POU3F3: variants seen among roughly 807,000 people sequenced by gnomAD.
The protein encoded by POU3F3 is POU class 3 homeobox 3.
In POU3F3, 1 loss-of-function variant was observed where a neutral mutation model predicts 8.6. That is an observed-to-expected ratio of 0.12 (90% CI 0.04 to 0.55). The LOEUF (loss-of-function observed/expected upper bound fraction) is 0.55. POU3F3 is among the 20% of genes least tolerant of loss of function. POU3F3 has a pLI of 0.91. For missense variants in POU3F3, 577 were observed against 690.7 expected, an observed-to-expected ratio of 0.84 and a Z score of 1.84; for synonymous variants, 418 against 327.4, an observed-to-expected ratio of 1.28 and a Z score of -2.99.
chr2:104,920,815 A>C, the POU3F3 span, among the ~76,000 whole-genome samples: 1 of 152,150 alleles, frequency 6.6e-6, no homozygotes. Context: ...TAACTGTCCA[A>C]CAGTAGGTGA....
chr2:104,859,214 C>A (rs949222081), downstream of POU3F3, among the ~76,000 whole-genome samples: 4 of 152,148 alleles, frequency 2.6e-5, no homozygotes, highest in Non-Finnish European at 4.4e-5. Flanking sequence ...TGTGCAATTA[C>A]CAACTCAGAC....
At chr2:104,898,141 C>G in the POU3F3 span, among the ~76,000 whole-genome samples, 272 of 152,168 alleles carry the variant, frequency 1.8e-3, no homozygotes, top group African/African-American at 5.9e-3. Context: ...AAGAAGAGGC[C>G]GGAGAGCCAG....
the POU3F3 span, among the ~76,000 whole-genome samples, chr2:104,925,049 A>G: frequency 2.0e-5 from 3 of 152,226 alleles, no homozygotes; most frequent in African/African-American, 7.2e-5. Context: ...AGGTTCTATC[A>G]TGAAGCCCTT....
chr2:104,860,734 T>G (rs1676645665), downstream of POU3F3, among the ~76,000 whole-genome samples: 1 of 150,932 alleles, frequency 6.6e-6, no homozygotes, highest in South Asian at 2.1e-4. Flanking sequence ...AATAGTCACT[T>G]TGCTATTGTT....
At chr2:104,909,196 A>G in the POU3F3 span, among the ~76,000 whole-genome samples, 1 of 152,216 alleles carries the variant, frequency 6.6e-6, no homozygotes, top group South Asian at 2.1e-4. Context: ...TTATGAGGCC[A>G]AAATTCCTTA....
At chr2:104,863,116 C>G (rs1445587757), downstream of POU3F3, among the ~76,000 whole-genome samples, 1 of 150,300 alleles carries the variant, frequency 6.7e-6, no homozygotes, top group African/African-American at 2.4e-5. Context: ...TCCCTCAGTC[C>G]CTCCTACCCT....
the POU3F3 span, among the ~76,000 whole-genome samples, chr2:104,900,861 T>C: frequency 6.6e-6 from 1 of 152,352 alleles, no homozygotes; most frequent in South Asian, 2.1e-4. Context: ...CAGTATATTC[T>C]GGACTGAAAA....
the POU3F3 span, among the ~76,000 whole-genome samples, chr2:104,868,622 C>A: frequency 6.6e-6 from 1 of 152,166 alleles, no homozygotes; most frequent in Non-Finnish European, 1.5e-5. Flanking sequence ...ACCCCGCACC[C>A]CTGCTGGACT....
the POU3F3 span, among the ~76,000 whole-genome samples, chr2:104,920,513 A>G: frequency 6.6e-6 from 1 of 152,152 alleles, no homozygotes; most frequent in Non-Finnish European, 1.5e-5. Flanking sequence ...TTTTAAATTG[A>G]CCCGACCAAT....
chr2:104,913,364 T>C, the POU3F3 span, among the ~76,000 whole-genome samples: 13 of 152,166 alleles, frequency 8.5e-5, no homozygotes, highest in Non-Finnish European at 1.8e-4. Flanking sequence ...CTGGACCCCG[T>C]TGGGACCATG....
the POU3F3 span, among the ~76,000 whole-genome samples, chr2:104,901,573 C>A: frequency 6.6e-6 from 1 of 152,112 alleles, no homozygotes; most frequent in East Asian, 1.9e-4. Flanking sequence ...AGGTGGAAAC[C>A]AATGCATCAC....
At position 104,856,077 on chromosome 2, in the gene POU3F3, GGCCGCCGCTGCCGCAGCCGCAGCC is replaced by G; in HGVS notation, c.576_599del (p.Ala197_Ala204del). 1 of 1,010,278 alleles carries G rather than the reference GGCCGCCGCTGCCGCAGCCGCAGCC, an allele frequency of 9.9e-7. No homozygotes were observed. The highest frequency in any genetic ancestry group is 1.2e-6 in the Non-Finnish European group (1 of 853,650). 62.6% of individuals were successfully genotyped at this position (1,010,278 alleles called of 1,614,324 possible). ...AGGGCCACCCTGGGGGCTGGGGGGCGGCCGCCGCTGCCGCAGCCGCAGCCGCCGCCGCCGCCGCCGCCGCGCACC... is the reference window on the plus strand; with the variant it reads ...AGGGCCACCCTGGGGGCTGGGGGGCGGCCGCCGCCGCCGCCGCCGCGCACC... On this transcript the variant is annotated inframe_deletion, in exon 1 of 1. Transcript: ENST00000361360.
In POU3F3 at chr2:104,855,963, C is replaced by T. The variant is rs1412011269; in HGVS notation, c.453C>T (p.Gly151=). 7 of 1,041,116 alleles carry T rather than the reference C, an allele frequency of 6.7e-6. No homozygotes were observed. Among genetic ancestry groups the T allele is most frequent in the Admixed American group, 5.4e-5 (1 of 18,620 alleles). The allele number at this position is 1,041,116 out of a possible 1,614,324, so 64.5% of individuals were successfully genotyped here. ...CGCCGCAGGGCCCCGACGTGAAGGGCGGCGCCGGGCGCGACGACCTGCACG... is the reference window on the plus strand; with the variant it reads ...CGCCGCAGGGCCCCGACGTGAAGGGTGGCGCCGGGCGCGACGACCTGCACG... ...PPPPQGPDVK[G]GAGRDDLHAG... The change falls in exon 1 of 1, where the codon GGC becomes GGT. Residue 151 remains glycine, a synonymous_variant. Transcript: ENST00000361360.
chr2:104,886,706 G>A, the POU3F3 span, among the ~76,000 whole-genome samples: 5 of 152,074 alleles, frequency 3.3e-5, no homozygotes, highest in African/African-American at 9.7e-5. Context: ...TCTGGAGTTC[G>A]AGACCAGCCT....
In POU3F3 at chr2:104,854,283, C is replaced by G. The variant is rs954005208; in HGVS notation, c.-1228C>G. 6.6e-6 allele frequency among the ~76,000 whole-genome samples: 1 copy of G among 152,070 alleles called. No individual in the cohort carries two copies. The highest frequency in any genetic ancestry group is 2.4e-5 in the African/African-American group (1 of 41,394). On this transcript the variant is annotated 5_prime_UTR_variant, in exon 1 of 1. Coordinates refer to ENST00000361360, the MANE Select transcript of POU3F3 (RefSeq NM_006236.3). This position sits in a 1 kb window ranked among gnomAD's most constrained non-coding sequence, Gnocchi z 4.5. The stretch of plus-strand genomic sequence containing the variant: ...AGCGAGCTCCTGCTGCAACTCTGCT[C>G]CAGCACGGCCAGCGCCAGCGCCCGC...
chr2:104,855,693 C>A lies in POU3F3; in HGVS notation c.183C>A (p.Gly61=). 5 of 1,203,404 alleles carry A rather than the reference C, an allele frequency of 4.2e-6. No homozygotes were observed. The highest frequency in any genetic ancestry group is 3.3e-5 in the South Asian group (2 of 60,210). 74.5% of individuals were successfully genotyped at this position (1,203,404 alleles called of 1,614,324 possible). A position where few individuals can be genotyped will look rare whatever the true frequency, so the allele number is the denominator to read the frequency against. Residue 61 remains glycine (G), a synonymous_variant, in exon 1 of 1, where the codon GGC becomes GGA. Transcript: ENST00000361360. The part of the protein sequence containing the change: ...MQPGSAAVTS[G]AYRGDPSSVK... ...CGGGCAGCGCCGCCGTGACCTCGGG[C>A]GCCTACCGGGGGGACCCGTCCTCTG...
downstream of POU3F3, among the ~76,000 whole-genome samples, chr2:104,861,733 T>C (rs933051612): frequency 6.6e-6 from 1 of 152,238 alleles, no homozygotes; most frequent in Admixed American, 6.5e-5. Flanking sequence ...TTGTTGCTGC[T>C]GCTGCTGTTG....
chr2:104,916,454 G>A, the POU3F3 span, among the ~76,000 whole-genome samples: 3 of 152,142 alleles, frequency 2.0e-5, no homozygotes, highest in Admixed American at 2.0e-4. Context: ...AATCTCTCAT[G>A]AGGTTATAGT....
rs1435141524 is a variant in POU3F3 at position 104,855,286 on chromosome 2, C to T, written c.-225C>T. On this transcript the variant is annotated 5_prime_UTR_variant, in exon 1 of 1. Transcript: ENST00000361360. ...TGCCGAGCGGCCTTGCAGCTGCAGC[C>T]GGGGGCCGCGGCGGCGGCGGCGGCG... Among the ~76,000 whole-genome samples the T allele has an allele frequency of 6.8e-6, 1 of 147,882 alleles. No individual in the cohort carries two copies. Among genetic ancestry groups the T allele is most frequent in the Non-Finnish European group, 1.5e-5 (1 of 66,586 alleles).
Sources: gnomAD v4.1 joint callset for allele counts (sites outside exome capture counted in the v4.1 genomes callset) on GRCh38, gnomAD v4.1.1 for gene constraint, Gnocchi (gnomAD v3.1) non-coding constraint, MANE v1.5 for transcripts, NCBI Gene and HGNC (gene_info 2026-07-23, HGNC 2026-07-21) for gene names.